The following MEI4 variants were observed in gnomAD, a reference collection of about 807,000 sequenced individuals.
MEI4 encodes meiosis-specific protein MEI4.
A neutral mutation model predicts 31.4 loss-of-function variants in MEI4; 27 were observed. That is an observed-to-expected ratio of 0.86 (90% confidence interval 0.63 to 1.19). MEI4 has a LOEUF of 1.19. Among genes scored for constraint, MEI4 ranks in the 50% most tolerant of loss-of-function variants. MEI4 has a pLI of 0.00. For missense variants in MEI4, 329 were observed against 398.9 expected (o/e 0.82, Z 1.49); for synonymous variants, 122 against 145.4 (o/e 0.84, Z 1.16).
chr6:77,835,512 G>A (rs1770199825), intron 4 of MEI4, among the ~76,000 whole-genome samples: 1 of 151,340 alleles, frequency 6.6e-6, no homozygotes. Flanking sequence ...CAATCTCATG[G>A]TACCAAGTAA....
chr6:77,920,517 C>T (rs1247806854), intron 4 of MEI4, among the ~76,000 whole-genome samples: 1 of 151,858 alleles, frequency 6.6e-6, no homozygotes, highest in Non-Finnish European at 1.5e-5. Flanking sequence ...ATAATTCTTC[C>T]AAACTCCTGT....
intron 1 of MEI4, among the ~76,000 whole-genome samples, chr6:77,667,768 G>A (rs1439393443): frequency 6.6e-6 from 1 of 152,034 alleles, no homozygotes; most frequent in Non-Finnish European, 1.5e-5. Flanking sequence ...GGAAAATGGG[G>A]GAAGGATGTA....
At chr6:77,768,281 T>C (rs547151585) in intron 3 of MEI4, among the ~76,000 whole-genome samples, 1 of 152,350 alleles carries the variant, frequency 6.6e-6, no homozygotes, top group African/African-American at 2.4e-5. Flanking sequence ...AAACTGACTT[T>C]TGTTAATGGG....
chr6:77,699,420 C>T (rs1265994685), intron 2 of MEI4, among the ~76,000 whole-genome samples: 1 of 151,960 alleles, frequency 6.6e-6, no homozygotes, highest in Non-Finnish European at 1.5e-5. Flanking sequence ...TCTCGATCTC[C>T]TGACCTCGTG....
At chr6:77,672,542 T>C (rs1222005040) in intron 1 of MEI4, among the ~76,000 whole-genome samples, 1 of 152,200 alleles carries the variant, frequency 6.6e-6, no homozygotes, top group Non-Finnish European at 1.5e-5. Flanking sequence ...TTCTGGTTTA[T>C]TATTTTGTTT....
intron 3 of MEI4, among the ~76,000 whole-genome samples, chr6:77,823,223 A>C (rs1347741295): frequency 3.9e-5 from 6 of 152,100 alleles, no homozygotes; most frequent in Admixed American, 2.0e-4. Flanking sequence ...ATGTATTTTT[A>C]TAGTATATAT....
At chr6:77,739,956 C>G (rs533148449) in intron 2 of MEI4, among the ~76,000 whole-genome samples, 1 of 152,070 alleles carries the variant, frequency 6.6e-6, no homozygotes, top group Admixed American at 6.6e-5. Context: ...ATTTTTCCTC[C>G]TAACCCTGCC....
At chr6:77,813,436 C>T (rs766016147) in intron 3 of MEI4, among the ~76,000 whole-genome samples, 4 of 152,000 alleles carry the variant, frequency 2.6e-5, no homozygotes, top group Non-Finnish European at 5.9e-5. Flanking sequence ...GTATTTTTTC[C>T]CGTCTTCCTT....
At chr6:77,851,258 C>G (rs1450240782) in intron 4 of MEI4, among the ~76,000 whole-genome samples, 2 of 152,102 alleles carry the variant, frequency 1.3e-5, no homozygotes, top group Admixed American at 1.3e-4. Flanking sequence ...CTAGAAATAC[C>G]ATTTGATCCA....
intron 4 of MEI4, among the ~76,000 whole-genome samples, chr6:77,912,508 G>A (rs1329899494): frequency 1.3e-5 from 2 of 151,974 alleles, no homozygotes; most frequent in Non-Finnish European, 2.9e-5. Context: ...GTAGTCTGTA[G>A]TTGTCCTTGT....
At chr6:77,743,719 C>G (rs924917129) in intron 2 of MEI4, among the ~76,000 whole-genome samples, 7 of 152,218 alleles carry the variant, frequency 4.6e-5, no homozygotes, top group Non-Finnish European at 7.3e-5. Flanking sequence ...AGGCACCCCC[C>G]AGTAGGGGCA....
At chr6:77,850,441 G>A (rs941807051) in intron 4 of MEI4, among the ~76,000 whole-genome samples, 1 of 151,918 alleles carries the variant, frequency 6.6e-6, no homozygotes, top group South Asian at 2.1e-4. Context: ...AACAGAGATA[G>A]AGACCAATGG....
chr6:77,832,490 TTA>T (rs1476912927), intron 4 of MEI4, among the ~76,000 whole-genome samples: 1 of 152,064 alleles, frequency 6.6e-6, no homozygotes, highest in Non-Finnish European at 1.5e-5. Context: ...CTGAGAAGCC[TTA>T]TGTGTCAAAC....
chr6:77,664,770 A>G (rs2926074), intron 1 of MEI4, among the ~76,000 whole-genome samples: 67,540 of 151,810 alleles, frequency 0.44, 15,998 homozygotes, highest in African/African-American at 0.59. Flanking sequence ...ATGCCTGGAC[A>G]TCAGGCACCT....
At chr6:77,671,607 G>A (rs1243024159) in intron 1 of MEI4, among the ~76,000 whole-genome samples, 1 of 152,106 alleles carries the variant, frequency 6.6e-6, no homozygotes, top group African/African-American at 2.4e-5. Flanking sequence ...ACAAATCATT[G>A]CATTTTCTAT....
chr6:77,702,184 T>C (rs1188318989), intron 2 of MEI4, among the ~76,000 whole-genome samples: 1 of 152,190 alleles, frequency 6.6e-6, no homozygotes, highest in Non-Finnish European at 1.5e-5. Context: ...CCCAGCCTGC[T>C]CCGCCTCTGT....
chr6:77,854,822 G>C (rs1465220317), intron 4 of MEI4, among the ~76,000 whole-genome samples: 1 of 152,050 alleles, frequency 6.6e-6, no homozygotes, highest in African/African-American at 2.4e-5. Flanking sequence ...GCAACCGTCT[G>C]GTATAGGTAT....
chr6:77,898,688 C>G (rs1032376282), intron 4 of MEI4, among the ~76,000 whole-genome samples: 15 of 152,050 alleles, frequency 9.9e-5, no homozygotes, highest in African/African-American at 3.4e-4. Context: ...ATTTAATGAA[C>G]TGTTACATTT....
chr6:77,773,753 T>G (rs1012703273), intron 3 of MEI4, among the ~76,000 whole-genome samples: 31 of 152,086 alleles, frequency 2.0e-4, no homozygotes, highest in African/African-American at 7.5e-4. Flanking sequence ...AGGAAATATC[T>G]GTAAACTACT....
Sources: allele counts gnomAD v4.1 joint callset (sites outside exome capture counted in the v4.1 genomes callset), GRCh38; gene constraint gnomAD v4.1.1; transcripts MANE v1.5; gene names NCBI Gene and HGNC (gene_info 2026-07-23, HGNC 2026-07-21).